Variants in ASCC2 observed in about 807,000 individuals in gnomAD.
ASCC2 encodes activating signal cointegrator 1 complex subunit 2.
ASCC2 carries 42 observed loss-of-function variants against 93.5 expected under a neutral mutation model. That is an observed-to-expected ratio of 0.45 (90% CI 0.35 to 0.58). The LOEUF is 0.58. Among genes scored for constraint, ASCC2 ranks in the 20% least tolerant of loss-of-function variants. The pLI is 0.00. For synonymous variants in ASCC2, 364 were observed against 384.2 expected (o/e 0.95, Z 0.62); for missense variants, 859 against 977.6 (o/e 0.88, Z 1.62).
intron 13 of ASCC2, 26 bp from the exon 14 acceptor site, chr22:29,802,234 G>A: frequency 6.2e-7 from 1 of 1,611,640 alleles, no homozygotes; most frequent in Non-Finnish European, 8.5e-7. Flanking sequence ...GAGCCAAGAA[G>A]GGGAAGGCTA....
intron 4 of ASCC2, 42 bp from the exon 5 acceptor site, chr22:29,822,506 C>T (rs371206515): frequency 2.5e-6 from 4 of 1,606,122 alleles, no homozygotes; most frequent in Non-Finnish European, 3.4e-6. Flanking sequence ...ATTTTCTGAA[C>T]ACTCCTACAT....
intron 1 of ASCC2, chr22:29,832,586 AC>A: frequency 3.5e-6 from 1 of 289,540 alleles, no homozygotes; most frequent in East Asian, 6.3e-5. Flanking sequence ...ATTTCCACCC[AC>A]TTTTTTTTTT....
In ASCC2 at chr22:29,821,837, A is replaced by T. The variant is rs1237399657; in HGVS notation, c.541+498T>A. ...TAGTGAGACCCCATCTACTAAAAAA[A>T]ATTTTTTTTTAATTCGCCAGGCATG... On this transcript the variant is annotated intron_variant, in intron 5 of 19. Coordinates refer to ENST00000307790, the MANE Select transcript of ASCC2 (RefSeq NM_032204.5). The T allele has an allele frequency of 2.2e-5, 8 of 358,910 alleles. No individual in the cohort carries two copies. In the East Asian group the frequency reaches 3.4e-4, roughly 15 times the overall value. The allele number at this position is 358,910 out of a possible 1,614,324, so 22.2% of individuals were successfully genotyped here.
Position 29,806,215 on chromosome 22 carries a change from C to CAA in ASCC2, c.1159_1160dup (p.Leu387PhefsTer34), listed in dbSNP as rs753567956. 2 of 1,614,020 alleles carry CAA rather than the reference C, an allele frequency of 1.2e-6. No individual in the cohort carries two copies. ...CGTAGTGGGCTATGGTAGAAGGATA[C>CAA]AAGACTGATGAGGCCTGCTGCAGCA... On this transcript the variant is annotated frameshift_variant and splice_region_variant. Coordinates refer to ENST00000307790, the MANE Select transcript of ASCC2 (RefSeq NM_032204.5). LOFTEE classifies it high-confidence loss of function.
intron 6 of ASCC2, 46 bp downstream of exon 6, chr22:29,815,960 T>A: frequency 6.7e-7 from 1 of 1,488,110 alleles, no homozygotes; most frequent in South Asian, 1.2e-5. Context: ...GGAGGTGGCC[T>A]ATCCTCCAAG....
chr22:29,800,203 C>A (rs1470777926), intron 15 of ASCC2, among the ~76,000 whole-genome samples: 1 of 152,210 alleles, frequency 6.6e-6, no homozygotes, highest in Non-Finnish European at 1.5e-5. Flanking sequence ...CTTCTCCTTC[C>A]CTCCTTTGCA....
chr22:29,795,463 C>G (rs1196358141), intron 15 of ASCC2, among the ~76,000 whole-genome samples: 1 of 152,100 alleles, frequency 6.6e-6, no homozygotes, highest in Non-Finnish European at 1.5e-5. Flanking sequence ...ATTTAAGAAG[C>G]AGTAAGGCCA....
chr22:29,795,352 G>A (rs1043365055), intron 15 of ASCC2, among the ~76,000 whole-genome samples: 1 of 152,106 alleles, frequency 6.6e-6, no homozygotes, highest in South Asian at 2.1e-4. Flanking sequence ...GTGAGCTACT[G>A]TGCCCAGCCT....
At chr22:29,823,048 T>C (rs556550075) in intron 4 of ASCC2, among the ~76,000 whole-genome samples, 21 of 148,596 alleles carry the variant, frequency 1.4e-4, no homozygotes, top group African/African-American at 4.7e-4. Context: ...TTTTTTTAAA[T>C]TTTATTTTTT....
chr22:29,830,403 G>C (rs1348363761), intron 2 of ASCC2, among the ~76,000 whole-genome samples: 1 of 152,228 alleles, frequency 6.6e-6, no homozygotes, highest in South Asian at 2.1e-4. Flanking sequence ...TGTGGTTAGT[G>C]TAAGAGTCAG....
In ASCC2 at chr22:29,806,266, G is replaced by T; in HGVS notation, c.1110C>A (p.Leu370=). 1 of 1,614,188 alleles carries T rather than the reference G, an allele frequency of 6.2e-7. No individual in the cohort carries two copies. Among genetic ancestry groups the T allele is most frequent in the Non-Finnish European group, 8.5e-7 (1 of 1,180,036 alleles). ...AGCTGATGTCTTCGGCCACGGGGAA[G>T]AGTGCATCATAGTCCCGGAGGAACC... is the stretch of plus-strand genomic sequence containing the variant. ...EKRFLRDYDA[L]FPVAEDISLL... Residue 370 remains leucine (L), a synonymous_variant, in exon 12 of 20, where the codon CTC becomes CTA. Transcript: ENST00000307790.
At chr22:29,804,064 C>T (rs1424378903) in intron 13 of ASCC2, among the ~76,000 whole-genome samples, 2 of 152,246 alleles carry the variant, frequency 1.3e-5, no homozygotes, top group African/African-American at 2.4e-5. Flanking sequence ...TGAGCTGCCT[C>T]GCCTGAGTCT....
intron 2 of ASCC2, among the ~76,000 whole-genome samples, chr22:29,827,942 T>C: frequency 1.0e-5 from 1 of 98,382 alleles, no homozygotes; most frequent in Non-Finnish European, 2.0e-5. Flanking sequence ...GGCTACTCAT[T>C]CTTCTGACAC....
Position 29,788,899 on chromosome 22 carries a change from G to A in ASCC2, c.*114C>T. 7.6e-7 allele frequency: 1 copy of A among 1,320,312 alleles called. No individual in the cohort carries two copies. The highest frequency in any genetic ancestry group is 1.1e-6 in the Non-Finnish European group (1 of 942,260). 81.8% of individuals were successfully genotyped at this position (1,320,312 alleles called of 1,614,324 possible). Reference sequence around the variant, plus strand: ...GCCTTCTCAGGGGCTGCAAAGCTGAGGCTGTTGAGGGGTTGAGTTGAACTT... The same window carrying A: ...GCCTTCTCAGGGGCTGCAAAGCTGAAGCTGTTGAGGGGTTGAGTTGAACTT... On this transcript the variant is annotated 3_prime_UTR_variant, in exon 20 of 20. Transcript: ENST00000307790.
intron 15 of ASCC2, among the ~76,000 whole-genome samples, chr22:29,798,255 C>T (rs2058672041): frequency 6.6e-6 from 1 of 152,136 alleles, no homozygotes; most frequent in African/African-American, 2.4e-5. Flanking sequence ...TTCTTTAGGT[C>T]TTTCTACCTT....
At chr22:29,806,736 A>T in intron 10 of ASCC2, 61 bp downstream of exon 10, 1 of 1,506,230 alleles carries the variant, frequency 6.6e-7, no homozygotes, top group South Asian at 1.1e-5. Flanking sequence ...AATAATGGAA[A>T]CGCTCCTGAA....
chr22:29,801,749 G>A (rs965395017), intron 14 of ASCC2, among the ~76,000 whole-genome samples: 4 of 152,172 alleles, frequency 2.6e-5, no homozygotes, highest in African/African-American at 7.2e-5. Flanking sequence ...CATCCATGGC[G>A]CTCTAATCAG....
At chr22:29,822,811 C>T (rs1186762984) in intron 4 of ASCC2, among the ~76,000 whole-genome samples, 2 of 148,718 alleles carry the variant, frequency 1.3e-5, no homozygotes, top group African/African-American at 2.5e-5. Flanking sequence ...ACCTCTACCT[C>T]GCCAGCTCAA....
At chr22:29,821,984 G>A (rs1483243944) in intron 5 of ASCC2, 4 of 444,684 alleles carry the variant, frequency 9.0e-6, no homozygotes, top group Non-Finnish European at 1.8e-5. Flanking sequence ...GAGTGACAGA[G>A]CAAGGCTTTG....
Sources: gnomAD v4.1 joint callset for allele counts (sites outside exome capture counted in the v4.1 genomes callset) on GRCh38, gnomAD v4.1.1 for gene constraint, MANE v1.5 for transcripts, NCBI Gene and HGNC (gene_info 2026-07-23, HGNC 2026-07-21) for gene names.